ZC3H15: variants seen among roughly 807,000 people sequenced by gnomAD.
ZC3H15 encodes the protein zinc finger CCCH-type containing 15.
In ZC3H15, 15 loss-of-function variants were observed where a neutral mutation model predicts 51.2. The observed-to-expected ratio is 0.29, with a 90% CI of 0.20 to 0.45. ZC3H15 has a LOEUF of 0.45. Ranked by LOEUF, ZC3H15 falls within the 20% of genes least tolerant of loss-of-function variation. ZC3H15 has a pLI of 1.00. For synonymous variants in ZC3H15, 144 were observed against 162.8 expected (o/e 0.88, Z 0.88); for missense variants, 381 against 494.7 (o/e 0.77, Z 2.18).
intron 3 of ZC3H15, chr2:186,500,775 A>AG: frequency 2.2e-6 from 1 of 447,800 alleles, no homozygotes; most frequent in Non-Finnish European, 4.5e-6. Flanking sequence ...GTCTGGTTCA[A>AG]GCCATTGTCC....
intron 1 of ZC3H15, among the ~76,000 whole-genome samples, chr2:186,490,062 CT>C (rs1371984119): frequency 6.6e-6 from 1 of 152,146 alleles, no homozygotes; most frequent in Non-Finnish European, 1.5e-5. Context: ...TGCTTAGTTC[CT>C]GCCCATTTTT....
chr2:186,501,544 T>A, intron 4 of ZC3H15, 119 bp downstream of exon 4: 1 of 825,876 alleles, frequency 1.2e-6, no homozygotes, highest in Non-Finnish European at 1.8e-6. Context: ...AAAAAATAAT[T>A]AATTGGGTTT....
chr2:186,508,860 CT>C lies in ZC3H15; in HGVS notation c.*128del. The C allele has an allele frequency of 9.2e-7, 1 of 1,089,590 alleles. No homozygotes were observed. The highest frequency in any genetic ancestry group is 1.6e-5 in the South Asian group (1 of 62,324). The allele number at this position is 1,089,590 out of a possible 1,614,324, so 67.5% of individuals were successfully genotyped here. On this transcript the variant is annotated 3_prime_UTR_variant, in exon 10 of 10. Coordinates refer to ENST00000337859, the MANE Select transcript of ZC3H15 (RefSeq NM_018471.3). ...TGCTGATTCTGGAGGAGTTAACCTC[CT>C]GCAAAAAAGGCATCTTGTCCCTACA... is the stretch of plus-strand genomic sequence containing the variant.
Position 186,508,881 on chromosome 2 carries a change from C to T in ZC3H15, c.*148C>T. 1.3e-6 allele frequency: 1 copy of T among 772,538 alleles called. No homozygotes were observed. Among genetic ancestry groups the T allele is most frequent in the Non-Finnish European group, 2.1e-6 (1 of 479,402 alleles). The allele number at this position is 772,538 out of a possible 1,614,324, so 47.9% of individuals were successfully genotyped here. On this transcript the variant is annotated 3_prime_UTR_variant, in exon 10 of 10. Coordinates refer to ENST00000337859, the MANE Select transcript of ZC3H15 (RefSeq NM_018471.3). Reference sequence around the variant, plus strand: ...CCTCCTGCAAAAAAGGCATCTTGTCCCTACATCTTCTCTTCTGACTTTGGC... The same window carrying T: ...CCTCCTGCAAAAAAGGCATCTTGTCTCTACATCTTCTCTTCTGACTTTGGC...
rs1434530880 is a variant in ZC3H15, at chr2:186,496,039, T to TA, written c.177+706dup. Among the ~76,000 whole-genome samples the TA allele has an allele frequency of 1.2e-3, 188 of 152,368 alleles. 1 individual carries two copies. The highest frequency in any genetic ancestry group is 4.1e-4 in the South Asian group (2 of 4,826). On this transcript the variant is annotated intron_variant, in intron 2 of 9. Transcript: ENST00000337859. The stretch of plus-strand genomic sequence containing the variant: ...TGTCTGCATTGCAGATAATTGGTGA[T>TA]ATTTCAGTTATGTTTTGCCATGCAC...
chr2:186,500,689 T>C (rs965479603), intron 3 of ZC3H15: 5 of 457,650 alleles, frequency 1.1e-5, no homozygotes, highest in Non-Finnish European at 2.2e-5. Context: ...TGTTTTTGTT[T>C]TTTTGAGATG....
chr2:186,506,911 C>T (rs1685476688), intron 9 of ZC3H15, 75 bp downstream of exon 9: 1 of 1,483,428 alleles, frequency 6.7e-7, no homozygotes, highest in African/African-American at 1.4e-5. Flanking sequence ...GCTTGGCAAA[C>T]TTAGATGTGT....
intron 1 of ZC3H15, among the ~76,000 whole-genome samples, chr2:186,490,574 A>C (rs1429246731): frequency 6.6e-6 from 1 of 152,174 alleles, no homozygotes; most frequent in African/African-American, 2.4e-5. Flanking sequence ...ATTTGGGAGA[A>C]AACTAATGAG....
chr2:186,508,545 A>G lies in ZC3H15; in HGVS notation c.1093A>G (p.Asn365Asp), dbSNP rs775055030. The change falls in exon 10 of 10, where the codon AAC becomes GAC. Residue 365 changes from asparagine (N) to aspartate (D), a missense_variant and splice_region_variant. Physicochemically the swap from Asn to Asp is conservative, Grantham distance 23. Coordinates refer to ENST00000337859, the MANE Select transcript of ZC3H15 (RefSeq NM_018471.3). ...FSTYTSDKDE[N>D]KLSEASGGRA... is the part of the protein sequence containing the mutation. ...CTGATTCCAGTTTTTATATTTAGAA[A>G]ACAAATTAAGTGAAGCTTCTGGAGG... 1 of 1,613,334 alleles carries G rather than the reference A, an allele frequency of 6.2e-7. No individual in the cohort carries two copies. Among genetic ancestry groups the G allele is most frequent in the Admixed American group, 1.7e-5 (1 of 59,852 alleles).
intron 4 of ZC3H15, among the ~76,000 whole-genome samples, chr2:186,502,262 G>T (rs1685397123): frequency 6.6e-6 from 1 of 151,960 alleles, no homozygotes; most frequent in Non-Finnish European, 1.5e-5. Flanking sequence ...AAGGCAGGAG[G>T]AATTGATCGA....
intron 2 of ZC3H15, chr2:186,497,240 T>A: frequency 2.7e-6 from 1 of 366,296 alleles, no homozygotes; most frequent in Non-Finnish European, 5.2e-6. Flanking sequence ...TTTTTAAAAA[T>A]CTGCTAATAT....
intron 6 of ZC3H15, among the ~76,000 whole-genome samples, chr2:186,504,639 C>A (rs1349786831): frequency 1.3e-5 from 2 of 152,120 alleles, no homozygotes; most frequent in Non-Finnish European, 2.9e-5. Flanking sequence ...CAGCTCTGGA[C>A]TCAAAACACT....
chr2:186,505,431 T>C lies in ZC3H15; in HGVS notation c.718-20T>C, dbSNP rs1235923085. ...TGAGGTGACTTCTGTGGAAAAAAAA[T>C]TAATTCTTTACCATTGCAGCGTTCT... On this transcript the variant is annotated intron_variant, in intron 6 of 9. Transcript: ENST00000337859. The C allele has an allele frequency of 2.0e-6, 3 of 1,514,148 alleles. No individual in the cohort carries two copies. The highest frequency in any genetic ancestry group is 2.6e-6 in the Non-Finnish European group (3 of 1,135,050). 93.8% of individuals were successfully genotyped at this position (1,514,148 alleles called of 1,614,324 possible).
intron 8 of ZC3H15, chr2:186,506,064 G>A (rs1685462244): frequency 1.6e-6 from 1 of 636,096 alleles, no homozygotes; most frequent in Non-Finnish European, 2.9e-6. Flanking sequence ...TCATGAATTA[G>A]TAGTTCTTTA....
At chr2:186,505,906 A>C (rs1202961834) in intron 8 of ZC3H15, 65 bp downstream of exon 8, 3 of 1,532,218 alleles carry the variant, frequency 2.0e-6, no homozygotes, top group Non-Finnish European at 1.8e-6. Context: ...AAATACCACA[A>C]CATGGTTAAG....
chr2:186,502,647 C>G (rs1685405031), intron 5 of ZC3H15, 60 bp downstream of exon 5: 5 of 1,361,944 alleles, frequency 3.7e-6, no homozygotes, highest in Middle Eastern at 3.6e-4. Flanking sequence ...AATTATGTGG[C>G]AAGGTATTTG....
chr2:186,507,169 C>T (rs573681562), intron 9 of ZC3H15, among the ~76,000 whole-genome samples: 1 of 152,076 alleles, frequency 6.6e-6, no homozygotes, highest in African/African-American at 2.4e-5. Context: ...CCCTACAGAA[C>T]ATCAGTGTTA....
chr2:186,486,468 AC>A lies in ZC3H15; in HGVS notation c.75+15del. ...GAGAAGATTATCGAAGTGAGTACCC[AC>A]CCCTCCCCCACTCACGCCGCGAGCC... is the stretch of plus-strand genomic sequence containing the variant. On this transcript the variant is annotated intron_variant, in intron 1 of 9. Coordinates refer to ENST00000337859, the MANE Select transcript of ZC3H15 (RefSeq NM_018471.3). The A allele has an allele frequency of 6.5e-7, 1 of 1,544,086 alleles. No homozygotes were observed. Among genetic ancestry groups the A allele is most frequent in the East Asian group, 2.5e-5 (1 of 40,566 alleles).
intron 6 of ZC3H15, among the ~76,000 whole-genome samples, chr2:186,504,939 C>G (rs774573980): frequency 6.6e-6 from 1 of 152,048 alleles, no homozygotes; most frequent in Non-Finnish European, 1.5e-5. Context: ...TCCCCATTAC[C>G]CTTTGTTCAC....
Sources: gnomAD v4.1 joint callset for allele counts (sites outside exome capture counted in the v4.1 genomes callset) on GRCh38, gnomAD v4.1.1 for gene constraint, MANE v1.5 for transcripts, NCBI Gene and HGNC (gene_info 2026-07-23, HGNC 2026-07-21) for gene names.